Variants in SLIT1 observed in about 807,000 individuals in gnomAD.
SLIT1 encodes the protein slit guidance ligand 1, also known as slit homolog 1 protein.
Under a neutral mutation model 186.1 loss-of-function variants are expected in SLIT1, and 66 were observed. The observed-to-expected ratio is 0.35, with a 90% CI of 0.29 to 0.44. The LOEUF (loss-of-function observed/expected upper bound fraction) is 0.44. Ranked by LOEUF, SLIT1 falls within the 20% of genes least tolerant of loss-of-function variation. The pLI is 1.00. For synonymous variants in SLIT1, 761 were observed against 833.8 expected (o/e 0.91, Z 1.50); for missense variants, 1,638 against 2,037.4 (o/e 0.80, Z 3.77).
At position 97,047,793 on chromosome 10, in the gene SLIT1, C is replaced by A. The variant is rs748707121; in HGVS notation, c.1531G>T (p.Val511Leu). The change falls in exon 16 of 37, where the codon GTG becomes TTG. Residue 511 changes from valine (V) to leucine (L), a missense_variant. Physicochemically the swap from Val to Leu is conservative, Grantham distance 32. Transcript: ENST00000266058. ...CAGCGGCACTTGTGGGGACAGACCA[C>A]GTCGCTGTTGCACTCGCTGTTCAGC... is the stretch of plus-strand genomic sequence containing the variant. ...YQLNSECNSD[V>L]VCPHKCRCEA... 1 of 1,613,986 alleles carries A rather than the reference C, an allele frequency of 6.2e-7. No homozygotes were observed. The highest frequency in any genetic ancestry group is 8.5e-7 in the Non-Finnish European group (1 of 1,180,032).
intron 5 of SLIT1, among the ~76,000 whole-genome samples, chr10:97,065,208 A>G (rs1219972459): frequency 6.6e-6 from 1 of 152,060 alleles, no homozygotes. Flanking sequence ...CAGCTGGAAA[A>G]TGGGAGAGTC....
At chr10:97,003,358 G>A (rs1227412940) in intron 34 of SLIT1, among the ~76,000 whole-genome samples, 1 of 152,248 alleles carries the variant, frequency 6.6e-6, no homozygotes, top group Admixed American at 6.5e-5. Flanking sequence ...GGGCAGGACC[G>A]AGACATCACG....
At chr10:97,149,042 C>T (rs1027381504) in intron 4 of SLIT1, among the ~76,000 whole-genome samples, 2 of 152,226 alleles carry the variant, frequency 1.3e-5, no homozygotes, top group African/African-American at 4.8e-5. Flanking sequence ...TGACCGCTCG[C>T]CACCCCCCCG....
At chr10:97,074,637 T>C (rs1283367475) in intron 4 of SLIT1, among the ~76,000 whole-genome samples, 2 of 152,080 alleles carry the variant, frequency 1.3e-5, no homozygotes, top group African/African-American at 4.8e-5. Context: ...ATGAACCCCA[T>C]TGCCAAGATC....
chr10:97,184,174 TAC>T lies in SLIT1; in HGVS notation c.197+1302_197+1303del, dbSNP rs1850380243. Among the ~76,000 whole-genome samples the T allele has an allele frequency of 6.6e-6, 1 of 152,128 alleles. No homozygotes were observed. The stretch of plus-strand genomic sequence containing the variant: ...TGTGCTCACTAATTGCTGGCCTTGG[TAC>T]AGAGTCTGATTCGGGAGACAGCTCT... On this transcript the variant is annotated intron_variant, in intron 1 of 36. Coordinates refer to ENST00000266058, the MANE Select transcript of SLIT1 (RefSeq NM_003061.3). The surrounding 1 kb of genome is among the most constrained non-coding windows in gnomAD (Gnocchi z 4.4).
At chr10:97,003,688 CTG>C (rs1848332549) in intron 34 of SLIT1, among the ~76,000 whole-genome samples, 1 of 152,216 alleles carries the variant, frequency 6.6e-6, no homozygotes, top group South Asian at 2.1e-4. Flanking sequence ...TACAGGGACT[CTG>C]TGCCTGAGTC....
intron 9 of SLIT1, 104 bp from the exon 10 acceptor site, chr10:97,060,262 G>GC (rs1272910495): frequency 1.1e-6 from 1 of 925,734 alleles, no homozygotes; most frequent in Non-Finnish European, 1.8e-6. Flanking sequence ...GGCCCCTCTT[G>GC]CCCCTGCTCC....
intron 1 of SLIT1, among the ~76,000 whole-genome samples, chr10:97,176,664 C>T (rs1320893124): frequency 6.6e-6 from 1 of 152,202 alleles, no homozygotes; most frequent in Non-Finnish European, 1.5e-5. Flanking sequence ...GGACCTCCTC[C>T]TCAGACAGAC....
intron 31 of SLIT1, among the ~76,000 whole-genome samples, chr10:97,008,336 AAAG>A (rs1332600704): frequency 6.6e-6 from 1 of 152,258 alleles, no homozygotes; most frequent in Non-Finnish European, 1.5e-5. Context: ...GAAAGAAATT[AAAG>A]AAGATCTAAA....
chr10:97,057,772 T>C (rs1275089226), intron 11 of SLIT1: 1 of 490,306 alleles, frequency 2.0e-6, no homozygotes, highest in Non-Finnish European at 3.7e-6. Flanking sequence ...ACTTTAGCAT[T>C]TTCAAAGTTT....
At chr10:97,023,118 C>T (rs746845782) in intron 25 of SLIT1, among the ~76,000 whole-genome samples, 1 of 151,762 alleles carries the variant, frequency 6.6e-6, no homozygotes, top group African/African-American at 2.4e-5. Flanking sequence ...GTGGTACGAT[C>T]TCAGCTCACC....
chr10:97,132,309 C>T (rs1236085602), intron 4 of SLIT1, among the ~76,000 whole-genome samples: 1 of 152,176 alleles, frequency 6.6e-6, no homozygotes, highest in Non-Finnish European at 1.5e-5. Flanking sequence ...CTTGAGGTTC[C>T]CCTTCAATCT....
intron 25 of SLIT1, among the ~76,000 whole-genome samples, chr10:97,029,469 G>A (rs1848573397): frequency 6.6e-6 from 1 of 152,192 alleles, no homozygotes; most frequent in Admixed American, 6.5e-5. Context: ...GCCAGGCAGA[G>A]TCCACGTGGC....
chr10:97,011,240 T>G (rs1848408089), intron 30 of SLIT1, 110 bp from the exon 31 acceptor site: 1 of 752,856 alleles, frequency 1.3e-6, no homozygotes, highest in African/African-American at 1.7e-5. Flanking sequence ...AGGGAGAACC[T>G]CAAGTTCCAT....
chr10:97,087,736 G>A (rs952307548), intron 4 of SLIT1, among the ~76,000 whole-genome samples: 5 of 152,090 alleles, frequency 3.3e-5, no homozygotes, highest in Admixed American at 6.5e-5. Flanking sequence ...TGGGGAGCCC[G>A]AGGCCTCCAC....
rs188443115 is a variant in SLIT1 at position 97,133,691 on chromosome 10, A to T, written c.413+24127T>A. Among the ~76,000 whole-genome samples, 218 of 152,348 alleles carry T rather than the reference A, an allele frequency of 1.4e-3. 5 individuals are homozygous for T. Among genetic ancestry groups the T allele is most frequent in the Admixed American group, 0.012 (191 of 15,306 alleles). On this transcript the variant is annotated intron_variant, in intron 4 of 36. Coordinates refer to ENST00000266058, the MANE Select transcript of SLIT1 (RefSeq NM_003061.3). ...CCACAATTTAAATTTTTTTAATAAA[A>T]TAAAAGTGAAACGAGGACTATTTTG...
At chr10:97,104,342 G>A (rs942855427) in intron 4 of SLIT1, among the ~76,000 whole-genome samples, 5 of 152,112 alleles carry the variant, frequency 3.3e-5, no homozygotes, top group Admixed American at 6.5e-5. Context: ...AAGTAGTCAA[G>A]GGTAGGGACT....
intron 4 of SLIT1, among the ~76,000 whole-genome samples, chr10:97,104,851 G>A (rs531368619): frequency 5.3e-5 from 8 of 152,190 alleles, no homozygotes; most frequent in African/African-American, 9.6e-5. Context: ...TGCCTCCCAC[G>A]GATGGCCAAG....
At chr10:97,018,450 T>A (rs1468704266) in intron 28 of SLIT1, 136 bp downstream of exon 28, 1 of 590,480 alleles carries the variant, frequency 1.7e-6, no homozygotes, top group Non-Finnish European at 3.0e-6. Context: ...AGTACATGCC[T>A]GCCCCCGACA....
Sources: allele counts gnomAD v4.1 joint callset (sites outside exome capture counted in the v4.1 genomes callset), GRCh38; gene constraint gnomAD v4.1.1; non-coding constraint Gnocchi (gnomAD v3.1); transcripts MANE v1.5; gene names NCBI Gene and HGNC (gene_info 2026-07-23, HGNC 2026-07-21).